CTNND2: variants seen among roughly 807,000 people sequenced by gnomAD.
CTNND2 encodes the protein catenin delta-2.
A neutral mutation model predicts 144.4 loss-of-function variants in CTNND2; 22 were observed. That is an observed-to-expected ratio of 0.15 (90% CI 0.11 to 0.22). The LOEUF is 0.22. Ranked by LOEUF, CTNND2 falls within the 10% of genes least tolerant of loss-of-function variation. The pLI is 1.00. For synonymous variants in CTNND2, 751 were observed against 695.6 expected (o/e 1.08, Z -1.25); for missense variants, 1,353 against 1,618.8 (o/e 0.84, Z 2.82).
At chr5:11,278,180 A>G (rs1746749057) in intron 9 of CTNND2, among the ~76,000 whole-genome samples, 1 of 152,060 alleles carries the variant, frequency 6.6e-6, no homozygotes, top group South Asian at 2.1e-4. Flanking sequence ...GCGCCAATCC[A>G]ATGCTTCTCT....
intron 12 of CTNND2, among the ~76,000 whole-genome samples, chr5:11,144,202 T>C (rs1298324681): frequency 1.3e-5 from 2 of 152,242 alleles, no homozygotes; most frequent in African/African-American, 2.4e-5. Context: ...GTCAGCCCAG[T>C]GTTGTCACCA....
chr5:11,017,137 A>G (rs1741695020), intron 18 of CTNND2, among the ~76,000 whole-genome samples: 1 of 151,814 alleles, frequency 6.6e-6, no homozygotes, highest in Non-Finnish European at 1.5e-5. Flanking sequence ...TGTCACAATA[A>G]AACAACAACT....
intron 3 of CTNND2, among the ~76,000 whole-genome samples, chr5:11,414,107 C>A (rs539604149): frequency 1.0e-3 from 155 of 152,168 alleles, no homozygotes; most frequent in Middle Eastern, 6.8e-3. Context: ...TGGAGAAGGG[C>A]AGGCCATGTG....
chr5:11,870,175 G>A (rs1454426965), intron 1 of CTNND2, among the ~76,000 whole-genome samples: 1 of 152,178 alleles, frequency 6.6e-6, no homozygotes, highest in Non-Finnish European at 1.5e-5. Flanking sequence ...ATCTACATCA[G>A]TGGTTCTCAT....
intron 1 of CTNND2, among the ~76,000 whole-genome samples, chr5:11,734,887 T>C (rs530830627): frequency 6.6e-6 from 1 of 152,348 alleles, no homozygotes; most frequent in East Asian, 1.9e-4. Context: ...TTATTTGTTT[T>C]AATTTTATGA....
chr5:11,840,478 C>T (rs2067656), intron 1 of CTNND2, among the ~76,000 whole-genome samples: 8,675 of 152,024 alleles, frequency 0.057, 758 homozygotes, highest in African/African-American at 0.19. Flanking sequence ...ATAATCAAGA[C>T]GATAAATATC....
At chr5:11,742,673 T>C (rs1182343575) in intron 1 of CTNND2, among the ~76,000 whole-genome samples, 1 of 152,194 alleles carries the variant, frequency 6.6e-6, no homozygotes, top group Non-Finnish European at 1.5e-5. Context: ...GGTATTGTTA[T>C]TTAAATATAT....
intron 1 of CTNND2, among the ~76,000 whole-genome samples, chr5:11,874,943 T>C (rs1735446630): frequency 6.6e-6 from 1 of 151,552 alleles, no homozygotes; most frequent in South Asian, 2.1e-4. Context: ...AGAATGGAAA[T>C]GTACCAGTGA....
At chr5:11,744,605 G>C (rs558802892) in intron 1 of CTNND2, among the ~76,000 whole-genome samples, 5 of 152,244 alleles carry the variant, frequency 3.3e-5, no homozygotes, top group African/African-American at 1.2e-4. Context: ...CGTGAGCCTC[G>C]AAACACTGCC....
At chr5:11,430,311 A>T (rs1264264416) in intron 3 of CTNND2, among the ~76,000 whole-genome samples, 112 of 150,630 alleles carry the variant, frequency 7.4e-4, no homozygotes, top group African/African-American at 2.6e-3. Context: ...AGTTAGTATA[A>T]AAAACATAGA....
At chr5:11,439,208 A>T (rs1213562218) in intron 3 of CTNND2, among the ~76,000 whole-genome samples, 1 of 152,078 alleles carries the variant, frequency 6.6e-6, no homozygotes, top group Non-Finnish European at 1.5e-5. Context: ...ACATCTTTTA[A>T]TGTGAAAGTC....
chr5:11,306,405 T>A (rs1043951949), intron 9 of CTNND2, among the ~76,000 whole-genome samples: 3 of 152,224 alleles, frequency 2.0e-5, no homozygotes, highest in Non-Finnish European at 2.9e-5. Context: ...GCTGCTTCCA[T>A]CAAGGCTGTT....
At chr5:11,440,346 C>T (rs1050408554) in intron 3 of CTNND2, among the ~76,000 whole-genome samples, 2 of 152,164 alleles carry the variant, frequency 1.3e-5, no homozygotes, top group Non-Finnish European at 2.9e-5. Context: ...TCAAGTTCAA[C>T]GTGGACTTTC....
At chr5:11,285,855 G>T (rs547408126) in intron 9 of CTNND2, among the ~76,000 whole-genome samples, 1 of 65,880 alleles carries the variant, frequency 1.5e-5, no homozygotes, top group Non-Finnish European at 3.6e-5. Flanking sequence ...CTGAGGGAGA[G>T]TGCACACATA....
intron 12 of CTNND2, among the ~76,000 whole-genome samples, chr5:11,147,034 G>C (rs1757307888): frequency 6.6e-6 from 1 of 152,190 alleles, no homozygotes; most frequent in Admixed American, 6.5e-5. Flanking sequence ...AGAAAAAGAA[G>C]GGCCATTCAT....
Position 11,376,508 on chromosome 5 carries a change from A to G in CTNND2, c.1177+8157T>C, listed in dbSNP as rs116551786. Reference sequence around the variant, plus strand: ...AAAAATCCAGTGACAGCTTCTTTCCACAGTGTCAAGGGCAGTATTTTCCAC... The same window carrying G: ...AAAAATCCAGTGACAGCTTCTTTCCGCAGTGTCAAGGGCAGTATTTTCCAC... On this transcript the variant is annotated intron_variant, in intron 7 of 21. Transcript: ENST00000304623. 3.4e-3 allele frequency among the ~76,000 whole-genome samples: 518 copies of G among 152,210 alleles called. 3 individuals carry two copies. Among genetic ancestry groups the G allele is most frequent in the Non-Finnish European group, 6.3e-3 (430 of 68,018 alleles).
chr5:10,994,811 C>T (rs1399305138), intron 18 of CTNND2, among the ~76,000 whole-genome samples: 1 of 152,156 alleles, frequency 6.6e-6, no homozygotes, highest in Non-Finnish European at 1.5e-5. Context: ...TGGGAGGTCA[C>T]TCCCCTGGAC....
At chr5:11,407,761 C>T (rs1279990043) in intron 5 of CTNND2, among the ~76,000 whole-genome samples, 1 of 148,918 alleles carries the variant, frequency 6.7e-6, no homozygotes, top group East Asian at 1.9e-4. Context: ...ATTGAATAAT[C>T]ACTGACTGGC....
At chr5:11,463,321 T>C (rs1766382577) in intron 3 of CTNND2, among the ~76,000 whole-genome samples, 1 of 152,224 alleles carries the variant, frequency 6.6e-6, no homozygotes, top group Non-Finnish European at 1.5e-5. Context: ...AATATGCAAA[T>C]GTTCATCCAG....
Sources: allele counts gnomAD v4.1 joint callset (sites outside exome capture counted in the v4.1 genomes callset), GRCh38; gene constraint gnomAD v4.1.1; transcripts MANE v1.5; gene names NCBI Gene and HGNC (gene_info 2026-07-23, HGNC 2026-07-21).